Variants in SCN4A observed in about 807,000 individuals in gnomAD.
SCN4A encodes sodium voltage-gated channel alpha subunit 4, also known as sodium channel protein type 4 subunit alpha.
A neutral mutation model predicts 162.0 loss-of-function variants in SCN4A; 83 were observed. The observed-to-expected ratio is 0.51, with a 90% CI of 0.43 to 0.61. The LOEUF (loss-of-function observed/expected upper bound fraction) is 0.61. SCN4A is among the 20% of genes least tolerant of loss of function. The probability of loss-of-function intolerance (pLI) is 0.00; values close to 1 mark genes in which losing one functional copy is unlikely to be tolerated. For synonymous variants in SCN4A, 944 were observed against 985.1 expected (o/e 0.96, Z 0.78); for missense variants, 2,196 against 2,462.5 (o/e 0.89, Z 2.29).
At chr17:63,952,759 C>T (rs553728986) in intron 13 of SCN4A, among the ~76,000 whole-genome samples, 1 of 152,168 alleles carries the variant, frequency 6.6e-6, no homozygotes, top group Non-Finnish European at 1.5e-5. Context: ...CTGCTCCCCC[C>T]CAGCACCCCC....
At chr17:63,954,337 GC>G (rs1358971603) in intron 13 of SCN4A, among the ~76,000 whole-genome samples, 4 of 152,082 alleles carry the variant, frequency 2.6e-5, no homozygotes, top group Non-Finnish European at 5.9e-5. Context: ...TTCTGCCTTT[GC>G]CCCCCACCAA....
intron 5 of SCN4A, 93 bp downstream of exon 5, chr17:63,971,069 T>G: frequency 1.2e-6 from 1 of 834,156 alleles, no homozygotes; most frequent in South Asian, 1.4e-5. Context: ...AACACCAGCC[T>G]GGGAGTGTTG....
In SCN4A at chr17:63,968,585, T is replaced by C. The variant is rs1027646776; in HGVS notation, c.704-230A>G. ...GCTCAGCCACTAGGAGAATGAACTATAAAGACCTGATGGGCTGTTGCCTGA... is the reference window on the plus strand; with the variant it reads ...GCTCAGCCACTAGGAGAATGAACTACAAAGACCTGATGGGCTGTTGCCTGA... On this transcript the variant is annotated intron_variant, in intron 5 of 23. Coordinates refer to ENST00000435607, the MANE Select transcript of SCN4A (RefSeq NM_000334.4). Among the ~76,000 whole-genome samples the C allele has an allele frequency of 2.0e-5, 3 of 152,352 alleles. No homozygotes were observed. The South Asian group carries it at 6.2e-4, about 32-fold the overall frequency.
chr17:63,953,830 C>A (rs1908990530), intron 13 of SCN4A, among the ~76,000 whole-genome samples: 1 of 152,148 alleles, frequency 6.6e-6, no homozygotes, highest in Non-Finnish European at 1.5e-5. Flanking sequence ...TGCTCTAGGA[C>A]ACAGAGCATA....
Position 63,972,423 on chromosome 17 carries a change from G to A in SCN4A, c.321C>T (p.Ala107=), listed in dbSNP as rs1909642200. The change falls in exon 2 of 24, where the codon GCC becomes GCT. Residue 107 remains alanine, a synonymous_variant. Coordinates refer to ENST00000435607, the MANE Select transcript of SCN4A (RefSeq NM_000334.4). The surrounding 1 kb of genome is among the most constrained non-coding windows in gnomAD (Gnocchi z 4.3). ...GGCTCAGCAGGTAGAGAGCAGGTGT[G>A]GCGGAGAAGCGGAAGATGGCCTTGC... ...NKGKAIFRFS[A]TPALYLLSPF... The A allele has an allele frequency of 6.2e-7, 1 of 1,613,972 alleles. No individual in the cohort carries two copies. The highest frequency in any genetic ancestry group is 8.5e-7 in the Non-Finnish European group (1 of 1,179,874).
chr17:63,955,286 G>C (rs988324400), intron 13 of SCN4A, among the ~76,000 whole-genome samples: 1 of 152,158 alleles, frequency 6.6e-6, no homozygotes, highest in African/African-American at 2.4e-5. Context: ...ACTCCCTTTG[G>C]CAGGGACTGA....
Position 63,968,074 on chromosome 17 carries a change from T to C in SCN4A, c.985A>G (p.Ser329Gly). Residue 329 changes from serine to glycine, a missense_variant, in exon 6 of 24, where the codon AGC (serine) becomes GGC (glycine). Coordinates refer to ENST00000435607, the MANE Select transcript of SCN4A (RefSeq NM_000334.4). The part of the protein sequence containing the change: ...YANDTWNSHA[S>G]WATNDTFDWD... ...TCAAAGGTATCGTTGGTGGCCCAGC[T>C]TGCATGGCTGTTCCACGTGTCGTTG... 6.2e-7 allele frequency: 1 copy of C among 1,614,016 alleles called. No homozygotes were observed. The highest frequency in any genetic ancestry group is 8.5e-7 in the Non-Finnish European group (1 of 1,179,890).
intron 5 of SCN4A, among the ~76,000 whole-genome samples, chr17:63,970,849 G>C (rs891747877): frequency 6.6e-6 from 1 of 152,142 alleles, no homozygotes; most frequent in African/African-American, 2.4e-5. Flanking sequence ...GGCCAGGCTG[G>C]TCTCAAACTC....
chr17:63,949,557 C>A (rs1208261804), intron 14 of SCN4A, 29 bp from the exon 15 acceptor site: 6 of 1,576,308 alleles, frequency 3.8e-6, no homozygotes, highest in African/African-American at 1.3e-5. Context: ...CACATGACAT[C>A]TGGGTCCCTG....
chr17:63,971,537 G>A (rs1474194698), intron 4 of SCN4A, among the ~76,000 whole-genome samples, 185 bp downstream of exon 4: 1 of 152,110 alleles, frequency 6.6e-6, no homozygotes, highest in African/African-American at 2.4e-5. Flanking sequence ...GTGATTATCA[G>A]GAGTCCATCA....
At chr17:63,959,858 G>A (rs980553453) in intron 11 of SCN4A, among the ~76,000 whole-genome samples, 9 of 152,090 alleles carry the variant, frequency 5.9e-5, no homozygotes, top group African/African-American at 2.2e-4. Flanking sequence ...CAGCTAGCTG[G>A]GCAGCTAGCT....
In SCN4A at chr17:63,966,240, G is replaced by A; in HGVS notation, c.1104C>T (p.His368=). 1.2e-6 allele frequency: 2 copies of A among 1,604,120 alleles called. No individual in the cohort carries two copies. Among genetic ancestry groups the A allele is most frequent in the Middle Eastern group, 1.7e-4 (1 of 6,058 alleles). Residue 368 remains histidine, a synonymous_variant, in exon 8 of 24, where the codon CAC becomes CAT. Coordinates refer to ENST00000435607, the MANE Select transcript of SCN4A (RefSeq NM_000334.4). The stretch of plus-strand genomic sequence containing the variant: ...TGATGCACTCATAACCCTCAGGGCA[G>A]TGCCTAGGAATAGGACAGGGGGCTG... ...LLCGNSSDAG[H]CPEGYECIKT... is the part of the protein sequence containing the mutation.
chr17:63,959,770 G>A (rs1313862869), intron 11 of SCN4A, among the ~76,000 whole-genome samples: 1 of 152,186 alleles, frequency 6.6e-6, no homozygotes, highest in Non-Finnish European at 1.5e-5. Context: ...GGTTCACTTT[G>A]TGACTTCACT....
At chr17:63,966,778 G>A (rs887099618) in intron 6 of SCN4A, among the ~76,000 whole-genome samples, 4 of 152,240 alleles carry the variant, frequency 2.6e-5, no homozygotes, top group Non-Finnish European at 5.9e-5. Context: ...CAGTGTGGAC[G>A]AAAAGTCATG....
chr17:63,944,792 A>G lies in SCN4A; in HGVS notation c.3793T>C (p.Tyr1265His), dbSNP rs1257080690. The G allele has an allele frequency of 6.2e-7, 1 of 1,613,860 alleles. No individual in the cohort carries two copies. Residue 1265 changes from tyrosine (Y) to histidine (H), a missense_variant, in exon 21 of 24, where the codon TAC becomes CAC. Coordinates refer to ENST00000435607, the MANE Select transcript of SCN4A (RefSeq NM_000334.4). The surrounding 1 kb of genome is among the most constrained non-coding windows in gnomAD (Gnocchi z 4.3). ...DSREKEEQPQ[Y>H]EVNLYMYLYF... The stretch of plus-strand genomic sequence containing the variant: ...AGGTACATGTAGAGGTTCACCTCGT[A>G]CTGCGGCTGCTCCTCCTTCTGTGGG...
rs779888333 is a variant in SCN4A, at chr17:63,971,784, G to A, written c.549C>T (p.Val183=). Residue 183 remains valine (V), a synonymous_variant, in exon 4 of 24, where the codon GTC becomes GTT. Coordinates refer to ENST00000435607, the MANE Select transcript of SCN4A (RefSeq NM_000334.4). ...GGTCCCGGAGGAATGTGAAGTCGTCGACACAGAAGCCTCGGGCCAGTATCT... is the reference window on the plus strand; with the variant it reads ...GGTCCCGGAGGAATGTGAAGTCGTCAACACAGAAGCCTCGGGCCAGTATCT... ...LIKILARGFC[V]DDFTFLRDPW... The A allele has an allele frequency of 8.1e-6, 13 of 1,613,032 alleles. No homozygotes were observed. The highest frequency in any genetic ancestry group is 2.2e-5 in the East Asian group (1 of 44,868).
rs1450986503 is a variant in SCN4A at position 63,966,123 on chromosome 17, A to G, written c.1221T>C (p.Tyr407=). ...GTACCAGCTGGAAGAGGTTCTCCCA[A>G]TAGTCCTGTGTCATGAGGCGGAAGA... ...LALFRLMTQD[Y]WENLFQLTLR... Residue 407 remains tyrosine (Y), a synonymous_variant, in exon 8 of 24, where the codon TAT becomes TAC. Coordinates refer to ENST00000435607, the MANE Select transcript of SCN4A (RefSeq NM_000334.4). 1.1e-5 allele frequency: 18 copies of G among 1,586,636 alleles called. No individual in the cohort carries two copies. Among genetic ancestry groups the G allele is most frequent in the Admixed American group, 1.1e-4 (6 of 55,526 alleles).
chr17:63,944,012 T>C lies in SCN4A; in HGVS notation c.3913-162A>G, dbSNP rs2144777615. On this transcript the variant is annotated intron_variant, in intron 21 of 23. Coordinates refer to ENST00000435607, the MANE Select transcript of SCN4A (RefSeq NM_000334.4). This position sits in a 1 kb window ranked among gnomAD's most constrained non-coding sequence, Gnocchi z 4.3. ...CAGAGATGGAGGGACAAGGGGAGAATGCGGGACCGAGGAGAAGGGAGGGAA... is the reference window on the plus strand; with the variant it reads ...CAGAGATGGAGGGACAAGGGGAGAACGCGGGACCGAGGAGAAGGGAGGGAA... Among the ~76,000 whole-genome samples, 1 of 152,062 alleles carries C rather than the reference T, an allele frequency of 6.6e-6. No individual in the cohort carries two copies. The highest frequency in any genetic ancestry group is 3.4e-3 in the Middle Eastern group (1 of 292).
In SCN4A at chr17:63,950,517, T is replaced by C. The variant is rs1597972950; in HGVS notation, c.2853+907A>G. Among the ~76,000 whole-genome samples, 2 of 152,338 alleles carry C rather than the reference T, an allele frequency of 1.3e-5. No individual in the cohort carries two copies. On this transcript the variant is annotated intron_variant, in intron 14 of 23. Coordinates refer to ENST00000435607, the MANE Select transcript of SCN4A (RefSeq NM_000334.4). This position sits in a 1 kb window ranked among gnomAD's most constrained non-coding sequence, Gnocchi z 4.6. Reference sequence around the variant, plus strand: ...CCTGAGTGCCTCATACCGAGGTCTGTGCCACAGTTGCCTGGGTATTTATAG... The same window carrying C: ...CCTGAGTGCCTCATACCGAGGTCTGCGCCACAGTTGCCTGGGTATTTATAG...
Sources: allele counts gnomAD v4.1 joint callset (sites outside exome capture counted in the v4.1 genomes callset), GRCh38; gene constraint gnomAD v4.1.1; non-coding constraint Gnocchi (gnomAD v3.1); transcripts MANE v1.5; gene names NCBI Gene and HGNC (gene_info 2026-07-23, HGNC 2026-07-21).